The following SLC35F3 variants were observed in gnomAD, a reference collection of about 807,000 sequenced individuals.
The protein encoded by SLC35F3 is putative thiamine transporter SLC35F3.
A neutral mutation model predicts 49.9 loss-of-function variants in SLC35F3; 25 were observed. That is an observed-to-expected ratio of 0.50 (90% CI 0.37 to 0.70). SLC35F3 has a LOEUF of 0.70. SLC35F3 is among the 30% of genes least tolerant of loss of function. The probability of loss-of-function intolerance (pLI) is 0.00; values close to 1 mark genes in which losing one functional copy is unlikely to be tolerated. For synonymous variants in SLC35F3, 275 were observed against 265.4 expected (o/e 1.04, Z -0.35); for missense variants, 525 against 639.8 (o/e 0.82, Z 1.94).
At chr1:233,987,549 A>G (rs1011909817) in intron 2 of SLC35F3, among the ~76,000 whole-genome samples, 1 of 145,978 alleles carries the variant, frequency 6.9e-6, no homozygotes, top group Non-Finnish European at 1.5e-5. Context: ...GGAAGCTTTT[A>G]GTATATTGAT....
intron 2 of SLC35F3, among the ~76,000 whole-genome samples, chr1:234,117,613 G>A (rs12760921): frequency 0.14 from 20,001 of 146,750 alleles, 2,936 homozygotes; most frequent in East Asian, 0.81. Context: ...CAGGCTGGGC[G>A]CAGTGGCTCA....
chr1:234,203,348 A>G (rs1242542221), intron 2 of SLC35F3, among the ~76,000 whole-genome samples: 2 of 152,166 alleles, frequency 1.3e-5, no homozygotes, highest in East Asian at 1.9e-4. Flanking sequence ...GACGTTTCCC[A>G]TTTTTATTCT....
intron 2 of SLC35F3, among the ~76,000 whole-genome samples, chr1:234,039,354 G>A (rs561281079): frequency 6.6e-6 from 1 of 152,232 alleles, no homozygotes; most frequent in Admixed American, 6.5e-5. Flanking sequence ...GGAAAGATAG[G>A]CTTCTAAATC....
intron 2 of SLC35F3, among the ~76,000 whole-genome samples, chr1:234,013,735 A>C (rs1663759809): frequency 1.3e-5 from 2 of 152,076 alleles, no homozygotes; most frequent in Non-Finnish European, 2.9e-5. Context: ...ATAACCCAGA[A>C]GAAACTGATA....
At chr1:234,148,490 C>A (rs555326125) in intron 2 of SLC35F3, among the ~76,000 whole-genome samples, 1 of 152,280 alleles carries the variant, frequency 6.6e-6, no homozygotes, top group South Asian at 2.1e-4. Context: ...GACAGAAAAT[C>A]TATACCTCAA....
intron 2 of SLC35F3, among the ~76,000 whole-genome samples, chr1:234,116,243 T>A (rs1054104937): frequency 1.3e-5 from 2 of 152,116 alleles, no homozygotes; most frequent in Admixed American, 6.5e-5. Context: ...TCCAAAAGAT[T>A]TATGAGCTCT....
At chr1:234,147,648 G>A (rs568594011) in intron 2 of SLC35F3, among the ~76,000 whole-genome samples, 20 of 152,134 alleles carry the variant, frequency 1.3e-4, no homozygotes, top group South Asian at 4.1e-4. Flanking sequence ...GCTTAGTACC[G>A]GAGAATTTCA....
intron 2 of SLC35F3, among the ~76,000 whole-genome samples, chr1:233,956,353 A>G (rs1173857178): frequency 6.6e-6 from 1 of 152,164 alleles, no homozygotes; most frequent in Admixed American, 6.5e-5. Flanking sequence ...CTAACCAGGT[A>G]TTTGTAGGAG....
At chr1:234,218,396 T>G (rs975474430) in intron 2 of SLC35F3, among the ~76,000 whole-genome samples, 3 of 152,224 alleles carry the variant, frequency 2.0e-5, no homozygotes, top group African/African-American at 7.2e-5. Context: ...TTCTGGCTAA[T>G]GAATAAAGCT....
At chr1:234,220,299 T>C (rs1399208796) in intron 2 of SLC35F3, among the ~76,000 whole-genome samples, 7 of 148,624 alleles carry the variant, frequency 4.7e-5, no homozygotes, top group Non-Finnish European at 8.8e-5. Context: ...CAGGGGTGTG[T>C]GTGTGTGTGT....
At chr1:234,121,214 G>T (rs1303488533) in intron 2 of SLC35F3, among the ~76,000 whole-genome samples, 1 of 140,894 alleles carries the variant, frequency 7.1e-6, no homozygotes, top group African/African-American at 2.6e-5. Flanking sequence ...TTGGCTCACT[G>T]CAAGCTCCAC....
At chr1:234,313,505 C>T (rs1657410183) in intron 4 of SLC35F3, among the ~76,000 whole-genome samples, 1 of 152,116 alleles carries the variant, frequency 6.6e-6, no homozygotes, top group Admixed American at 6.5e-5. Context: ...GCCAACTGTT[C>T]CCTAGACAAA....
chr1:234,140,665 AGG>A (rs1665901848), intron 2 of SLC35F3, among the ~76,000 whole-genome samples: 1 of 133,636 alleles, frequency 7.5e-6, no homozygotes, highest in African/African-American at 3.2e-5. Flanking sequence ...ACGAACACTC[AGG>A]GGGATGCTCA....
intron 2 of SLC35F3, among the ~76,000 whole-genome samples, chr1:234,056,031 T>G (rs146919595): frequency 7.2e-4 from 110 of 152,278 alleles, no homozygotes; most frequent in African/African-American, 2.5e-3. Flanking sequence ...TTTTCTAGTT[T>G]TTTTAAGTCT....
At chr1:234,208,460 C>T (rs1667006563) in intron 2 of SLC35F3, among the ~76,000 whole-genome samples, 2 of 152,162 alleles carry the variant, frequency 1.3e-5, no homozygotes, top group Non-Finnish European at 2.9e-5. Context: ...GTGGGCCCAA[C>T]ATAGCTACCC....
chr1:234,157,561 A>AGT (rs1666172333), intron 2 of SLC35F3, among the ~76,000 whole-genome samples: 1 of 152,210 alleles, frequency 6.6e-6, no homozygotes, highest in African/African-American at 2.4e-5. Flanking sequence ...CTGAAAACAC[A>AGT]GTGCAAGCAT....
intron 2 of SLC35F3, among the ~76,000 whole-genome samples, chr1:233,982,600 C>G (rs1663203853): frequency 6.6e-6 from 1 of 152,172 alleles, no homozygotes; most frequent in Non-Finnish European, 1.5e-5. Context: ...TCTCGAACTC[C>G]TGACCTCAGG....
chr1:233,981,390 C>T (rs1257579092), intron 2 of SLC35F3, among the ~76,000 whole-genome samples: 1 of 152,216 alleles, frequency 6.6e-6, no homozygotes, highest in Admixed American at 6.5e-5. Flanking sequence ...TTCAAGAATG[C>T]TATACACATG....
At chr1:234,254,906 G>A (rs537867089) in intron 3 of SLC35F3, among the ~76,000 whole-genome samples, 15 of 152,342 alleles carry the variant, frequency 9.8e-5, no homozygotes, top group Non-Finnish European at 1.3e-4. Flanking sequence ...ACATCCAGAT[G>A]TTCACCACTG....
Sources: allele counts gnomAD v4.1 joint callset (sites outside exome capture counted in the v4.1 genomes callset), GRCh38; gene constraint gnomAD v4.1.1; transcripts MANE v1.5; gene names NCBI Gene and HGNC (gene_info 2026-07-23, HGNC 2026-07-21).